LZTS1: variants seen among roughly 807,000 people sequenced by gnomAD.
LZTS1 encodes leucine zipper tumor suppressor 1.
A neutral mutation model predicts 45.8 loss-of-function variants in LZTS1; 31 were observed. The observed-to-expected ratio is 0.68, with a 90% CI of 0.51 to 0.91. LZTS1 has a LOEUF of 0.91. LZTS1 is among the 40% of genes least tolerant of loss of function. The pLI is 0.00. For synonymous variants in LZTS1, 359 were observed against 357.3 expected (o/e 1.00, Z -0.05); for missense variants, 821 against 788.9 (o/e 1.04, Z -0.49).
At chr8:20,301,355 G>A (rs1225511853) in intron 1 of LZTS1, among the ~76,000 whole-genome samples, 1 of 151,962 alleles carries the variant, frequency 6.6e-6, no homozygotes, top group East Asian at 1.9e-4. Flanking sequence ...TACATACCCC[G>A]CAGGGCTGCA....
rs144618026 is a variant in LZTS1 at position 20,249,578 on chromosome 8, C to T, written c.*144G>A. The T allele has an allele frequency of 5.9e-6, 6 of 1,021,470 alleles. No homozygotes were observed. Among genetic ancestry groups the T allele is most frequent in the Non-Finnish European group, 7.0e-6 (5 of 718,948 alleles). The allele number at this position is 1,021,470 out of a possible 1,614,324, so 63.3% of individuals were successfully genotyped here. A position where few individuals can be genotyped will look rare whatever the true frequency, so the allele number is the denominator to read the frequency against. On this transcript the variant is annotated 3_prime_UTR_variant, in exon 4 of 4. Transcript: ENST00000381569. ...CATCAGAGAGGGAAGGAAAGGCCAT[C>T]CTGCCCTCCCCTCGGGGGTCCTGGG... is the stretch of plus-strand genomic sequence containing the variant.
intron 1 of LZTS1, among the ~76,000 whole-genome samples, chr8:20,266,123 A>C (rs951103028): frequency 6.6e-6 from 1 of 152,054 alleles, no homozygotes; most frequent in African/African-American, 2.4e-5. Flanking sequence ...CCAAGGCTCA[A>C]GAGATCCTCC....
chr8:20,253,658 C>CAGCCTGG, intron 2 of LZTS1, 73 bp from the exon 3 acceptor site: 1 of 1,250,758 alleles, frequency 8.0e-7, no homozygotes, highest in Non-Finnish European at 1.1e-6. Flanking sequence ...CCCAGGCACG[C>CAGCCTGG]GTGCCGACCT....
At chr8:20,280,462 T>C (rs1308595688) in intron 1 of LZTS1, among the ~76,000 whole-genome samples, 4 of 152,108 alleles carry the variant, frequency 2.6e-5, no homozygotes, top group Non-Finnish European at 5.9e-5. Flanking sequence ...TCCCTGCCCA[T>C]TCATTGACAT....
chr8:20,280,507 G>A (rs944391410), intron 1 of LZTS1, among the ~76,000 whole-genome samples: 12 of 152,178 alleles, frequency 7.9e-5, no homozygotes, highest in Non-Finnish European at 1.6e-4. Context: ...CCACATGCAC[G>A]GAGGCGCGTG....
chr8:20,289,588 GGA>G (rs1800862301), intron 1 of LZTS1, among the ~76,000 whole-genome samples: 2 of 152,210 alleles, frequency 1.3e-5, no homozygotes, highest in Non-Finnish European at 2.9e-5. Flanking sequence ...GCTGCTGGCA[GGA>G]AAGCAGGGAG....
Position 20,250,170 on chromosome 8 carries a change from T to G in LZTS1, c.1343A>C (p.Glu448Ala), listed in dbSNP as rs778685304. 4 of 1,610,514 alleles carry G rather than the reference T, an allele frequency of 2.5e-6. No homozygotes were observed. Among genetic ancestry groups the G allele is most frequent in the Non-Finnish European group, 3.4e-6 (4 of 1,179,610 alleles). Residue 448 changes from glutamate to alanine, a missense_variant, in exon 4 of 4, where the codon GAG (glutamate) becomes GCG (alanine). Glu to Ala is a moderately radical substitution (Grantham distance 107). Coordinates refer to ENST00000381569, the MANE Select transcript of LZTS1 (RefSeq NM_021020.5). ...GALRTKGLEL[E>A]VCENELQRKK... ...GCGCTGCAGCTCATTCTCACAGACC[T>G]CCAGCTCCAGGCCCTTGGTGCGCAG...
At chr8:20,274,632 G>C (rs1311155201) in intron 1 of LZTS1, among the ~76,000 whole-genome samples, 1 of 152,152 alleles carries the variant, frequency 6.6e-6, no homozygotes, top group African/African-American at 2.4e-5. Flanking sequence ...GCGTAAGTGC[G>C]TGTACCAGCG....
intron 3 of LZTS1, among the ~76,000 whole-genome samples, chr8:20,250,606 T>A (rs1293457000): frequency 6.6e-6 from 1 of 152,150 alleles, no homozygotes; most frequent in African/African-American, 2.4e-5. Context: ...ACACATAGTA[T>A]ATTATTATTG....
chr8:20,289,015 T>C (rs975311019), intron 1 of LZTS1, among the ~76,000 whole-genome samples: 2 of 124,894 alleles, frequency 1.6e-5, no homozygotes, highest in Non-Finnish European at 3.2e-5. Flanking sequence ...TTTAGACATA[T>C]GGGACTTGGT....
At chr8:20,253,634 T>G in intron 2 of LZTS1, 49 bp from the exon 3 acceptor site, 10 of 1,352,546 alleles carry the variant, frequency 7.4e-6, no homozygotes, top group Non-Finnish European at 7.8e-6. Flanking sequence ...TGCGCGCGCA[T>G]TGCACCCTCC....
chr8:20,262,539 C>T (rs1283709125), intron 1 of LZTS1, among the ~76,000 whole-genome samples: 5 of 152,072 alleles, frequency 3.3e-5, no homozygotes, highest in Non-Finnish European at 7.3e-5. Context: ...GAGAAGATGA[C>T]ATTCGAGAAG....
chr8:20,303,396 C>A (rs114769971), intron 1 of LZTS1, among the ~76,000 whole-genome samples: 3,403 of 152,244 alleles, frequency 0.022, 70 homozygotes, highest in South Asian at 0.071. Context: ...TCTTCACCTC[C>A]GACACCAGTG....
Position 20,303,770 on chromosome 8 carries a change from C to T in LZTS1, c.-165G>A. On this transcript the variant is annotated 5_prime_UTR_variant, in exon 1 of 4. Coordinates refer to ENST00000381569, the MANE Select transcript of LZTS1 (RefSeq NM_021020.5). ...CCCTGCGCCTCGGGCGCACTTGAGACTTTTTTTTTTTCCCAGTGTTTCCCG... is the reference window on the plus strand; with the variant it reads ...CCCTGCGCCTCGGGCGCACTTGAGATTTTTTTTTTTTCCCAGTGTTTCCCG... The T allele has an allele frequency of 5.0e-6, 4 of 795,836 alleles. No homozygotes were observed. Among genetic ancestry groups the T allele is most frequent in the Non-Finnish European group, 6.1e-6 (4 of 658,838 alleles). The allele number at this position is 795,836 out of a possible 1,614,324, so 49.3% of individuals were successfully genotyped here.
At chr8:20,272,297 T>A (rs1800489310) in intron 1 of LZTS1, among the ~76,000 whole-genome samples, 1 of 152,140 alleles carries the variant, frequency 6.6e-6, no homozygotes, top group African/African-American at 2.4e-5. Flanking sequence ...GCATCTGACC[T>A]CCAGAGTGAC....
rs371578422 is a variant in LZTS1 at position 20,255,106 on chromosome 8, G to A, written c.76C>T (p.Arg26Cys). Residue 26 changes from arginine (R) to cysteine (C), a missense_variant, in exon 2 of 4, where the codon CGC becomes TGC. Coordinates refer to ENST00000381569, the MANE Select transcript of LZTS1 (RefSeq NM_021020.5). ...KHCRASQYKL[R>C]KSSHLKKLNR... ...AGCTTCTTGAGGTGGGAGGACTTGC[G>A]CAGCTTGTACTGCGAAGCCCGGCAG... 3.5e-5 allele frequency: 56 copies of A among 1,614,098 alleles called. 1 individual carries two copies. In the Middle Eastern group the frequency reaches 1.3e-3, roughly 38 times the overall value.
intron 1 of LZTS1, among the ~76,000 whole-genome samples, chr8:20,296,508 C>G (rs1175370891): frequency 6.6e-6 from 1 of 152,228 alleles, no homozygotes; most frequent in African/African-American, 2.4e-5. Flanking sequence ...GAGCTCACCT[C>G]AGACCATGCC....
intron 1 of LZTS1, among the ~76,000 whole-genome samples, chr8:20,287,898 A>C (rs1585300915): frequency 1.8e-5 from 1 of 56,224 alleles, no homozygotes; most frequent in African/African-American, 5.8e-5. Context: ...CACTCCAGCC[A>C]AAAAAAAAAA....
chr8:20,252,468 G>A (rs142894695), intron 3 of LZTS1, among the ~76,000 whole-genome samples: 10 of 152,316 alleles, frequency 6.6e-5, no homozygotes, highest in African/African-American at 2.4e-4. Flanking sequence ...GGGAGCTGAT[G>A]GAAGGGAGGT....
Sources: allele counts gnomAD v4.1 joint callset (sites outside exome capture counted in the v4.1 genomes callset), GRCh38; gene constraint gnomAD v4.1.1; transcripts MANE v1.5; gene names NCBI Gene and HGNC (gene_info 2026-07-23, HGNC 2026-07-21).